Variants in TANC2 observed in about 807,000 individuals in gnomAD.
TANC2 encodes the protein protein TANC2.
TANC2 carries 26 observed loss-of-function variants against 210.5 expected under a neutral mutation model. The observed-to-expected ratio is 0.12, with a 90% CI of 0.09 to 0.17. TANC2 has a LOEUF of 0.17. TANC2 is among the 10% of genes least tolerant of loss of function. The probability of loss-of-function intolerance (pLI) is 1.00; values close to 1 mark genes in which losing one functional copy is unlikely to be tolerated. For missense variants in TANC2, 2,129 were observed against 2,608.9 expected, an observed-to-expected ratio of 0.82 and a Z score of 4.01; for synonymous variants, 931 against 967.1, an observed-to-expected ratio of 0.96 and a Z score of 0.69.
chr17:63,265,216 G>A (rs913610112), intron 8 of TANC2, among the ~76,000 whole-genome samples: 2 of 152,138 alleles, frequency 1.3e-5, no homozygotes, highest in Non-Finnish European at 2.9e-5. Flanking sequence ...CAAAGGAAAT[G>A]CTCATTGGAG....
chr17:63,014,179 T>C (rs1447033742), intron 2 of TANC2, among the ~76,000 whole-genome samples: 1 of 152,188 alleles, frequency 6.6e-6, no homozygotes, highest in Non-Finnish European at 1.5e-5. Context: ...TATTGAATTT[T>C]TCAATTCCAA....
intron 3 of TANC2, among the ~76,000 whole-genome samples, chr17:63,089,645 ATG>A (rs2037107422): frequency 6.6e-6 from 1 of 152,134 alleles, no homozygotes; most frequent in South Asian, 2.1e-4. Flanking sequence ...TAGTATGTGA[ATG>A]TGTGAGATAA....
chr17:63,056,467 C>T, intron 2 of TANC2, among the ~76,000 whole-genome samples: 1 of 152,000 alleles, frequency 6.6e-6, no homozygotes, highest in Non-Finnish European at 1.5e-5. Context: ...GGCTTGAGCC[C>T]AGAAGTTTGA....
At chr17:62,975,822 A>C (rs2031970650) in intron 1 of TANC2, among the ~76,000 whole-genome samples, 2 of 152,132 alleles carry the variant, frequency 1.3e-5, no homozygotes, top group South Asian at 4.1e-4. Flanking sequence ...ATCTTGGTGA[A>C]AATCCTTAGG....
chr17:62,970,524 T>G (rs2031632780), intron 1 of TANC2, among the ~76,000 whole-genome samples: 2 of 96,064 alleles, frequency 2.1e-5, no homozygotes. Context: ...TGCTCTTTAT[T>G]TCTTAAGTGA....
chr17:63,046,228 C>T (rs922904188), intron 2 of TANC2, among the ~76,000 whole-genome samples: 20 of 150,444 alleles, frequency 1.3e-4, no homozygotes, highest in Non-Finnish European at 2.2e-4. Flanking sequence ...GGTGCGATCT[C>T]GGCTCACTGC....
At chr17:62,988,697 A>G (rs1016902415) in intron 1 of TANC2, among the ~76,000 whole-genome samples, 4 of 152,190 alleles carry the variant, frequency 2.6e-5, no homozygotes, top group African/African-American at 9.7e-5. Context: ...AACGGAAGCA[A>G]TTTTTTTAGT....
exon 26 of TANC2, chr17:63,415,612 A>G (rs1393534829): frequency 6.2e-7 from 1 of 1,612,406 alleles, no homozygotes; most frequent in Non-Finnish European, 8.5e-7. Context: ...GGACTTGAAA[A>G]CTTTCCGGGA....
intron 14 of TANC2, among the ~76,000 whole-genome samples, chr17:63,372,513 T>C (rs1475789101): frequency 6.6e-6 from 1 of 152,130 alleles, no homozygotes; most frequent in East Asian, 1.9e-4. Flanking sequence ...TCCTTTAGTT[T>C]AGCGTTACAC....
chr17:63,143,231 G>C (rs1379941624), intron 4 of TANC2, among the ~76,000 whole-genome samples: 1 of 152,178 alleles, frequency 6.6e-6, no homozygotes, highest in Non-Finnish European at 1.5e-5. Flanking sequence ...TAACACATCT[G>C]AGTTTTCATG....
chr17:63,213,403 G>A (rs1006242800), intron 7 of TANC2, among the ~76,000 whole-genome samples: 2 of 152,148 alleles, frequency 1.3e-5, no homozygotes, highest in Non-Finnish European at 2.9e-5. Context: ...CTAGCTTTCG[G>A]TGTACAACCC....
At chr17:63,171,080 TC>T (rs2040388593) in intron 5 of TANC2, among the ~76,000 whole-genome samples, 2 of 134,148 alleles carry the variant, frequency 1.5e-5, no homozygotes, top group African/African-American at 3.0e-5. Flanking sequence ...TGTATTTCTT[TC>T]TTTTTTTTTT....
intron 5 of TANC2, chr17:63,182,264 A>G: frequency 5.2e-6 from 1 of 193,204 alleles, no homozygotes; most frequent in Non-Finnish European, 1.1e-5. Flanking sequence ...ACTGGCACCA[A>G]AGTGGCATCC....
chr17:63,071,483 A>T (rs763104917), intron 2 of TANC2, among the ~76,000 whole-genome samples: 3 of 152,204 alleles, frequency 2.0e-5, no homozygotes, highest in Admixed American at 2.0e-4. Flanking sequence ...AGTGGTCTTC[A>T]TTAGAAAGGA....
At chr17:63,293,736 A>AT (rs911410479) in intron 9 of TANC2, among the ~76,000 whole-genome samples, 3 of 151,594 alleles carry the variant, frequency 2.0e-5, no homozygotes, top group African/African-American at 4.8e-5. Flanking sequence ...AAAGGTAAGG[A>AT]TTTTTTTTGT....
At chr17:63,076,324 A>G (rs2036570774) in intron 3 of TANC2, among the ~76,000 whole-genome samples, 1 of 152,324 alleles carries the variant, frequency 6.6e-6, no homozygotes, top group African/African-American at 2.4e-5. Flanking sequence ...ATTGGACCTT[A>G]GATATCTCTC....
At position 63,355,398 on chromosome 17, in the gene TANC2, A is replaced by G. The variant is rs138001880; in HGVS notation, c.2582+8A>G. On this transcript the variant is annotated splice_region_variant and intron_variant, in intron 14 of 27. Coordinates refer to ENST00000689528, the Ensembl canonical transcript of TANC2. ...ATTTCTCTGTGATCCGAGGTAAGAC[A>G]TATATCTGTGATAAACAATTCTGAG... 2.8e-3 allele frequency: 4,378 copies of G among 1,550,790 alleles called. 10 individuals carry two copies. Among genetic ancestry groups the G allele is most frequent in the Non-Finnish European group, 3.2e-3 (3,734 of 1,156,066 alleles).
chr17:63,103,725 T>C (rs2037717897), intron 4 of TANC2, among the ~76,000 whole-genome samples: 1 of 152,244 alleles, frequency 6.6e-6, no homozygotes, highest in African/African-American at 2.4e-5. Flanking sequence ...TTGCTTTTCA[T>C]GTTAGATACC....
At chr17:63,121,702 T>C (rs2038485910) in intron 4 of TANC2, among the ~76,000 whole-genome samples, 1 of 152,212 alleles carries the variant, frequency 6.6e-6, no homozygotes. Flanking sequence ...CATTTTCTCC[T>C]ATAAATTTGC....
Sources: gnomAD v4.1 joint callset for allele counts (sites outside exome capture counted in the v4.1 genomes callset) on GRCh38, gnomAD v4.1.1 for gene constraint, MANE v1.5 for transcripts, NCBI Gene and HGNC (gene_info 2026-07-23, HGNC 2026-07-21) for gene names.